NUBPL: variants seen among roughly 807,000 people sequenced by gnomAD.
NUBPL encodes the protein NUBP iron-sulfur cluster assembly factor, mitochondrial.
In NUBPL, 31 loss-of-function variants were observed where a neutral mutation model predicts 45.7. That is an observed-to-expected ratio of 0.68 (90% CI 0.51 to 0.92). The LOEUF is 0.92. Among genes scored for constraint, NUBPL ranks in the 40% least tolerant of loss-of-function variants. The pLI, the probability that NUBPL is intolerant of heterozygous loss-of-function variation, is 0.00. For synonymous variants in NUBPL, 144 were observed against 140.9 expected (o/e 1.02, Z -0.15); for missense variants, 401 against 398.7 (o/e 1.01, Z -0.05).
chr14:31,700,569 G>T (rs950654553), intron 6 of NUBPL, among the ~76,000 whole-genome samples: 1 of 152,146 alleles, frequency 6.6e-6, no homozygotes, highest in Non-Finnish European at 1.5e-5. Context: ...GGGAACCGAG[G>T]TTGCATGTGG....
chr14:31,662,609 A>G (rs894563207), intron 4 of NUBPL, among the ~76,000 whole-genome samples: 8 of 152,116 alleles, frequency 5.3e-5, no homozygotes, highest in African/African-American at 1.7e-4. Context: ...GCTGAGAATG[A>G]TGGTTTCCAG....
intron 4 of NUBPL, among the ~76,000 whole-genome samples, chr14:31,607,885 A>C (rs2034644804): frequency 6.6e-6 from 1 of 152,176 alleles, no homozygotes. Flanking sequence ...CCAAAAGTAC[A>C]ATAAGGTTAT....
intron 8 of NUBPL, among the ~76,000 whole-genome samples, chr14:31,827,935 T>G (rs113136287): frequency 0.011 from 1,628 of 152,322 alleles, 26 homozygotes; most frequent in African/African-American, 0.037. Flanking sequence ...CTCAAGTACC[T>G]CTTCTCCCTT....
intron 10 of NUBPL, among the ~76,000 whole-genome samples, chr14:31,856,768 G>A (rs2139021520): frequency 6.6e-6 from 1 of 152,300 alleles, no homozygotes; most frequent in African/African-American, 2.4e-5. Context: ...CTCACATCTA[G>A]GTCACGCTGA....
At chr14:31,844,172 C>A (rs2138986442) in intron 8 of NUBPL, 1 of 152,292 alleles carries the variant, frequency 6.6e-6, no homozygotes, top group South Asian at 2.1e-4. Flanking sequence ...TTGTTCTATG[C>A]CTCTATGTCT....
At chr14:31,618,989 T>G (rs1007461424) in intron 4 of NUBPL, among the ~76,000 whole-genome samples, 12 of 152,238 alleles carry the variant, frequency 7.9e-5, no homozygotes, top group African/African-American at 2.9e-4. Flanking sequence ...GGTGCATATA[T>G]AGTTAGGATA....
At position 31,860,890 on chromosome 14, in the gene NUBPL, T is replaced by G. The variant is rs1440330239; in HGVS notation, c.*1710T>G. 1.3e-5 allele frequency: 2 copies of G among 152,070 alleles called. No individual in the cohort carries two copies. Among genetic ancestry groups the G allele is most frequent in the Non-Finnish European group, 2.9e-5 (2 of 68,008 alleles). The allele number at this position is 152,070 out of a possible 1,614,324, so 9.4% of individuals were successfully genotyped here. On this transcript the variant is annotated 3_prime_UTR_variant, in exon 11 of 11. Coordinates refer to ENST00000281081, the MANE Select transcript of NUBPL (RefSeq NM_025152.3). ...AATGAAAAAGGCCAATTTAAAAAGGTTTTGTACCAAAAGATTCCATTTATA... is the reference window on the plus strand; with the variant it reads ...AATGAAAAAGGCCAATTTAAAAAGGGTTTGTACCAAAAGATTCCATTTATA...
chr14:31,853,803 A>G (rs767998760), intron 10 of NUBPL, among the ~76,000 whole-genome samples: 4 of 152,124 alleles, frequency 2.6e-5, no homozygotes, highest in African/African-American at 4.8e-5. Flanking sequence ...AGCCAAAGAA[A>G]ACAATAGAGG....
At chr14:31,635,162 C>A (rs1202380748) in intron 4 of NUBPL, among the ~76,000 whole-genome samples, 2 of 150,530 alleles carry the variant, frequency 1.3e-5, no homozygotes, top group Admixed American at 6.6e-5. Context: ...GAAGTCCTTG[C>A]CCATGCCTGT....
chr14:31,632,034 T>A (rs2035358677), intron 4 of NUBPL, among the ~76,000 whole-genome samples: 1 of 152,154 alleles, frequency 6.6e-6, no homozygotes, highest in African/African-American at 2.4e-5. Context: ...TCCCATTTCC[T>A]CCCAGCATGG....
chr14:31,675,029 C>T (rs1031782504), intron 6 of NUBPL, among the ~76,000 whole-genome samples: 26 of 150,836 alleles, frequency 1.7e-4, no homozygotes, highest in Admixed American at 9.3e-4. Context: ...CCCAGCTACT[C>T]GGGAGGCTGA....
intron 4 of NUBPL, among the ~76,000 whole-genome samples, chr14:31,619,966 A>C (rs1175298774): frequency 6.6e-6 from 1 of 151,880 alleles, no homozygotes; most frequent in Non-Finnish European, 1.5e-5. Context: ...TATTTCTGGG[A>C]GGCTTTGTTT....
intron 4 of NUBPL, among the ~76,000 whole-genome samples, chr14:31,610,149 A>G (rs1294979476): frequency 6.6e-6 from 1 of 152,156 alleles, no homozygotes; most frequent in Non-Finnish European, 1.5e-5. Context: ...AGATTGACAG[A>G]ATTGACAAAC....
At chr14:31,806,370 T>C (rs1035191443) in intron 7 of NUBPL, among the ~76,000 whole-genome samples, 9 of 152,044 alleles carry the variant, frequency 5.9e-5, no homozygotes, top group African/African-American at 2.2e-4. Flanking sequence ...TCTTTGGTAT[T>C]GGTTTGCTGC....
chr14:31,629,496 G>A (rs1456335926), intron 4 of NUBPL, among the ~76,000 whole-genome samples: 1 of 152,112 alleles, frequency 6.6e-6, no homozygotes, highest in East Asian at 1.9e-4. Flanking sequence ...AATGTACCAA[G>A]TGATAATTAA....
At chr14:31,802,589 A>G (rs1411106710) in intron 7 of NUBPL, among the ~76,000 whole-genome samples, 2 of 151,994 alleles carry the variant, frequency 1.3e-5, no homozygotes, top group African/African-American at 4.8e-5. Context: ...CTTCTTTTCT[A>G]CACAATGTCA....
chr14:31,798,649 G>A (rs951286042), intron 7 of NUBPL, among the ~76,000 whole-genome samples: 19 of 151,414 alleles, frequency 1.3e-4, no homozygotes, highest in East Asian at 1.2e-3. Flanking sequence ...AAAATTAGCC[G>A]GGCATAGTGG....
chr14:31,641,371 C>G (rs1413877549), intron 4 of NUBPL, among the ~76,000 whole-genome samples: 5 of 152,252 alleles, frequency 3.3e-5, no homozygotes, highest in Admixed American at 6.5e-5. Flanking sequence ...GTCTACTACT[C>G]TTTATCTTCA....
At chr14:31,808,484 G>C (rs191111461) in intron 7 of NUBPL, among the ~76,000 whole-genome samples, 31 of 152,310 alleles carry the variant, frequency 2.0e-4, no homozygotes, top group African/African-American at 6.7e-4. Context: ...CTGAGACTTT[G>C]CTGAAGTTGC....
Sources: allele counts gnomAD v4.1 joint callset (sites outside exome capture counted in the v4.1 genomes callset), GRCh38; gene constraint gnomAD v4.1.1; transcripts MANE v1.5; gene names NCBI Gene and HGNC (gene_info 2026-07-23, HGNC 2026-07-21).